UBAC2: variants seen among roughly 807,000 people sequenced by gnomAD.
UBAC2 encodes UBA domain containing 2.
A neutral mutation model predicts 44.0 loss-of-function variants in UBAC2; 26 were observed. The observed-to-expected ratio is 0.59, with a 90% CI of 0.43 to 0.82. The LOEUF (loss-of-function observed/expected upper bound fraction) is 0.82. Ranked by LOEUF, UBAC2 falls within the 40% of genes least tolerant of loss-of-function variation. UBAC2 has a pLI of 0.00. For synonymous variants in UBAC2, 155 were observed against 154.3 expected (o/e 1.00, Z -0.04); for missense variants, 329 against 419.4 (o/e 0.78, Z 1.88).
chr13:99,237,463 G>A (rs2043250786), intron 1 of UBAC2, among the ~76,000 whole-genome samples: 2 of 152,122 alleles, frequency 1.3e-5, no homozygotes, highest in Non-Finnish European at 2.9e-5. Context: ...GAGTAGGTTG[G>A]TGGTTATCAG....
chr13:99,233,852 CGTAA>C (rs1326544869), intron 1 of UBAC2, among the ~76,000 whole-genome samples: 3 of 152,038 alleles, frequency 2.0e-5, no homozygotes, highest in African/African-American at 7.2e-5. Context: ...CCCGATGAAG[CGTAA>C]GTATTTCATT....
At chr13:99,376,984 C>T (rs955803369) in intron 8 of UBAC2, 2 of 152,194 alleles carry the variant, frequency 1.3e-5, no homozygotes, top group South Asian at 2.1e-4. Flanking sequence ...CGCCGTGCCT[C>T]GCCTCGCCTC....
At chr13:99,350,176 C>T (rs2045060604) in intron 7 of UBAC2, among the ~76,000 whole-genome samples, 1 of 152,178 alleles carries the variant, frequency 6.6e-6, no homozygotes, top group Non-Finnish European at 1.5e-5. Flanking sequence ...CCATGATCAT[C>T]TCTATATCTA....
chr13:99,308,223 A>G (rs2044364730), intron 4 of UBAC2, among the ~76,000 whole-genome samples: 1 of 152,190 alleles, frequency 6.6e-6, no homozygotes, highest in Admixed American at 6.5e-5. Flanking sequence ...GGCCATTCCC[A>G]GCCACTTCTG....
Position 99,243,856 on chromosome 13 carries a change from A to G in UBAC2, c.184A>G (p.Ile62Val). The change falls in exon 3 of 9, where the codon ATA becomes GTA. Residue 62 changes from isoleucine to valine, a missense_variant. By Grantham distance (29) the Ile-to-Val change is conservative. Transcript: ENST00000403766. Reference sequence around the variant, plus strand: ...GATTTGGAGGTTGATATGTGGAAGAATAATTTGCCTTGATTTGAAAGATAC... The same window carrying G: ...GATTTGGAGGTTGATATGTGGAAGAGTAATTTGCCTTGATTTGAAAGATAC... Reference protein sequence around the residue: ...FQIWRLICGRIICLDLKDTFC... With the variant: ...FQIWRLICGRVICLDLKDTFC... 1.3e-6 allele frequency: 2 copies of G among 1,575,056 alleles called. No homozygotes were observed. Among genetic ancestry groups the G allele is most frequent in the Non-Finnish European group, 1.7e-6 (2 of 1,159,098 alleles).
At chr13:99,366,571 T>A (rs994703077) in intron 7 of UBAC2, among the ~76,000 whole-genome samples, 1 of 152,188 alleles carries the variant, frequency 6.6e-6, no homozygotes, top group Non-Finnish European at 1.5e-5. Context: ...GGTTCTTAAT[T>A]CTCAGGCAGG....
chr13:99,334,721 T>TA (rs1322746100), intron 6 of UBAC2, among the ~76,000 whole-genome samples: 2 of 146,668 alleles, frequency 1.4e-5, no homozygotes, highest in East Asian at 4.0e-4. Flanking sequence ...AAAGGGGGAG[T>TA]AAAGAGTAAG....
At chr13:99,224,198 C>A (rs2043085242) in intron 1 of UBAC2, among the ~76,000 whole-genome samples, 1 of 152,178 alleles carries the variant, frequency 6.6e-6, no homozygotes, top group Non-Finnish European at 1.5e-5. Flanking sequence ...CTGCTGGCTT[C>A]TAGCTGTGTC....
intron 1 of UBAC2, among the ~76,000 whole-genome samples, chr13:99,230,035 A>G (rs1164513244): frequency 2.0e-5 from 3 of 152,188 alleles, no homozygotes; most frequent in African/African-American, 2.4e-5. Flanking sequence ...TCTGCTTTCA[A>G]TGTGACAAAA....
At position 99,262,710 on chromosome 13, in the gene UBAC2, C is replaced by CAAAAAAAAAAAAAA. The variant is rs61627160; in HGVS notation, c.389+18103_389+18116dup. On this transcript the variant is annotated intron_variant, in intron 4 of 8. Transcript: ENST00000403766. ...TGGGCAACAGAGCAGAACTCCCTCTCAAAAAAAAAAAAAAAAAAAAAAAAA... is the reference window on the plus strand; with the variant it reads ...TGGGCAACAGAGCAGAACTCCCTCTCAAAAAAAAAAAAAAAAAAAAAAAAAAAAAAAAAAAAAAA... Among the ~76,000 whole-genome samples the CAAAAAAAAAAAAAA allele has an allele frequency of 1.1e-3, 65 of 57,164 alleles. 5 individuals carry two copies. The highest frequency in any genetic ancestry group is 1.5e-3 in the Non-Finnish European group (49 of 31,754). 37.5% of individuals were successfully genotyped at this position (57,164 alleles called of 152,430 possible).
intron 1 of UBAC2, among the ~76,000 whole-genome samples, chr13:99,226,807 G>T: frequency 6.6e-6 from 1 of 152,024 alleles, no homozygotes; most frequent in East Asian, 1.9e-4. Flanking sequence ...TTTTCCTCCA[G>T]AATCACCCTT....
At chr13:99,336,246 G>A (rs1442143538) in intron 6 of UBAC2, among the ~76,000 whole-genome samples, 2 of 152,086 alleles carry the variant, frequency 1.3e-5, no homozygotes, top group African/African-American at 2.4e-5. Flanking sequence ...GCCTTGGTTG[G>A]CTGTATGAAT....
intron 4 of UBAC2, among the ~76,000 whole-genome samples, chr13:99,278,313 G>A (rs1449965182): frequency 6.6e-6 from 1 of 152,058 alleles, no homozygotes; most frequent in Non-Finnish European, 1.5e-5. Flanking sequence ...AATAGAGTTG[G>A]TACCAGGCAG....
At chr13:99,311,017 G>A (rs2044404876) in intron 4 of UBAC2, among the ~76,000 whole-genome samples, 1 of 152,172 alleles carries the variant, frequency 6.6e-6, no homozygotes, top group Non-Finnish European at 1.5e-5. Flanking sequence ...TGATAAAAAG[G>A]AAGGGGGCTT....
At chr13:99,260,398 T>C (rs1456320081) in intron 4 of UBAC2, among the ~76,000 whole-genome samples, 1 of 152,038 alleles carries the variant, frequency 6.6e-6, no homozygotes, top group African/African-American at 2.4e-5. Context: ...AACAAGTAGG[T>C]GAAGAAATGG....
At chr13:99,253,017 C>T (rs1323356247) in intron 4 of UBAC2, among the ~76,000 whole-genome samples, 1 of 151,428 alleles carries the variant, frequency 6.6e-6, no homozygotes, top group African/African-American at 2.4e-5. Context: ...AATAAACCTA[C>T]ATATCCAATA....
chr13:99,319,579 GCCAATATT>G (rs1377030756), intron 6 of UBAC2, among the ~76,000 whole-genome samples: 2 of 152,162 alleles, frequency 1.3e-5, no homozygotes, highest in Non-Finnish European at 2.9e-5. Context: ...TATGCTTGCA[GCCAATATT>G]CTGGGGCTCC....
At chr13:99,318,693 C>T (rs1276078738) in intron 6 of UBAC2, among the ~76,000 whole-genome samples, 6 of 151,186 alleles carry the variant, frequency 4.0e-5, no homozygotes, top group East Asian at 2.0e-4. Context: ...TGGTGGCAGG[C>T]GCCTGTAGTC....
At chr13:99,335,998 G>GAA (rs71959491) in intron 6 of UBAC2, among the ~76,000 whole-genome samples, 27 of 132,280 alleles carry the variant, frequency 2.0e-4, no homozygotes, top group Middle Eastern at 3.6e-3. Flanking sequence ...CCACAAAATG[G>GAA]AAAAAAAAAA....
Sources: allele counts gnomAD v4.1 joint callset (sites outside exome capture counted in the v4.1 genomes callset), GRCh38; gene constraint gnomAD v4.1.1; transcripts MANE v1.5; gene names NCBI Gene and HGNC (gene_info 2026-07-23, HGNC 2026-07-21).